The following PDLIM7 variants were observed in gnomAD, a reference collection of about 807,000 sequenced individuals.
The protein encoded by PDLIM7 is PDZ and LIM domain 7, also known as PDZ and LIM domain protein 7.
In PDLIM7, 37 loss-of-function variants were observed where a neutral mutation model predicts 53.9. The observed-to-expected ratio is 0.69, with a 90% CI of 0.53 to 0.90. The LOEUF is 0.90. Ranked by LOEUF, PDLIM7 falls within the 40% of genes least tolerant of loss-of-function variation. The pLI is 0.00. For synonymous variants in PDLIM7, 300 were observed against 261.3 expected (o/e 1.15, Z -1.43); for missense variants, 617 against 638.5 (o/e 0.97, Z 0.36).
chr5:177,487,842 GTCC>G (rs1758540504), intron 10 of PDLIM7: 1 of 405,018 alleles, frequency 2.5e-6, no homozygotes. Context: ...TCCTGGCTTG[GTCC>G]TCCTGCTCTT....
At chr5:177,490,217 C>T in intron 7 of PDLIM7, 1 of 1,447,482 alleles carries the variant, frequency 6.9e-7, no homozygotes, top group Non-Finnish European at 9.1e-7. Flanking sequence ...CAAACCAGGT[C>T]CACAAAGATA....
chr5:177,491,691 C>G (rs1758792939), intron 5 of PDLIM7, 116 bp downstream of exon 5: 2 of 679,088 alleles, frequency 2.9e-6, no homozygotes, highest in East Asian at 3.2e-5. Flanking sequence ...CCAGGGGGCG[C>G]TGCCGCACGG....
At chr5:177,490,720 A>AGGAAGGAGGAAG in intron 7 of PDLIM7, 150 bp downstream of exon 7, 1 of 166,570 alleles carries the variant, frequency 6.0e-6, no homozygotes, top group Non-Finnish European at 1.2e-5. Context: ...AAGGGAAGGA[A>AGGAAGGAGGAAG]GGAAGGAAGG....
rs76360818 is a variant in PDLIM7, at chr5:177,494,067, G to A, written c.97-1390C>T. 5.6e-3 allele frequency among the ~76,000 whole-genome samples: 856 copies of A among 152,316 alleles called. 9 individuals are homozygous for A. The highest frequency in any genetic ancestry group is 0.02 in the African/African-American group (816 of 41,554). On this transcript the variant is annotated intron_variant, in intron 2 of 12. Coordinates refer to ENST00000355841, the MANE Select transcript of PDLIM7 (RefSeq NM_005451.5). ...GAGCTCGGCGGCCCCTTCCTCACTC[G>A]CTAGATAAGAAGACTTGCTTCAGTT...
At chr5:177,496,609 A>C (rs577003319) in intron 1 of PDLIM7, 86 bp from the exon 2 acceptor site, 1 of 904,000 alleles carries the variant, frequency 1.1e-6, no homozygotes, top group South Asian at 1.9e-5. Flanking sequence ...CCAGCCTTGG[A>C]CAGGGGCCAG....
chr5:177,493,474 A>T (rs964458710), intron 2 of PDLIM7, among the ~76,000 whole-genome samples: 7 of 152,242 alleles, frequency 4.6e-5, no homozygotes, highest in Admixed American at 3.9e-4. Flanking sequence ...ACCATCAGGA[A>T]TGACTTTGAG....
At position 177,490,139 on chromosome 5, in the gene PDLIM7, T is replaced by G. The variant is rs763228102; in HGVS notation, c.573-307A>C. ...CAGGGCCCCTTTGCCAGGTACCCCC[T>G]CCCACTGAAAACGAGGACGGCAGGG... On this transcript the variant is annotated intron_variant, in intron 7 of 12. Transcript: ENST00000355841. 19 of 1,487,624 alleles carry G rather than the reference T, an allele frequency of 1.3e-5. No homozygotes were observed. In the African/African-American group the frequency reaches 2.1e-4, roughly 16 times the overall value. 92.2% of individuals were successfully genotyped at this position (1,487,624 alleles called of 1,614,324 possible).
chr5:177,496,398 T>C lies in PDLIM7; in HGVS notation c.96+19A>G. 6.5e-7 allele frequency: 1 copy of C among 1,533,264 alleles called. No homozygotes were observed. Among genetic ancestry groups the C allele is most frequent in the Non-Finnish European group, 8.8e-7 (1 of 1,140,636 alleles). The allele number at this position is 1,533,264 out of a possible 1,614,324, so 95.0% of individuals were successfully genotyped here. A position where few individuals can be genotyped will look rare whatever the true frequency, so the allele number is the denominator to read the frequency against. On this transcript the variant is annotated intron_variant, in intron 2 of 12. Transcript: ENST00000355841. The stretch of plus-strand genomic sequence containing the variant: ...CCGAAAGACCGCTGGGGGAGCCCCC[T>C]CCCCAAACCTAGGCTCACCCGGGAA...
At position 177,492,582 on chromosome 5, in the gene PDLIM7, G is replaced by T. The variant is rs755797490; in HGVS notation, c.192C>A (p.Ile64=). 7 of 1,613,708 alleles carry T rather than the reference G, an allele frequency of 4.3e-6. No individual in the cohort carries two copies. In the South Asian group the frequency reaches 6.6e-5, roughly 15 times the overall value. Reference sequence around the variant, plus strand: ...AGGCCCGGATCTTGTTCTGAGCTTCGATGTGTGTGAGGCTACCCGCATTCT... The same window carrying T: ...AGGCCCGGATCTTGTTCTGAGCTTCTATGTGTGTGAGGCTACCCGCATTCT... ...DGENAGSLTH[I]EAQNKIRACG... is the part of the protein sequence containing the mutation. The change falls in exon 3 of 13, where the codon ATC becomes ATA. Residue 64 remains isoleucine, a synonymous_variant. Transcript: ENST00000355841.
intron 10 of PDLIM7, among the ~76,000 whole-genome samples, chr5:177,486,124 G>A (rs746270739): frequency 6.6e-5 from 10 of 151,030 alleles, no homozygotes; most frequent in Non-Finnish European, 1.3e-4. Flanking sequence ...TTGCTATGGT[G>A]CCCATGCTGG....
Position 177,483,927 on chromosome 5 carries a change from A to G in PDLIM7, c.1227T>C (p.Ala409=), listed in dbSNP as rs754674795. The G allele has an allele frequency of 5.0e-6, 8 of 1,613,808 alleles. No homozygotes were observed. The highest frequency in any genetic ancestry group is 1.6e-4 in the Middle Eastern group (1 of 6,084). ...KCHGCDFKID[A]GDRFLEALGF... is the part of the protein sequence containing the mutation. Reference sequence around the variant, plus strand: ...CCAGGGCCTCCAGGAAGCGGTCCCCAGCGTCGATCTTGAAGTCACAGCCAT... The same window carrying G: ...CCAGGGCCTCCAGGAAGCGGTCCCCGGCGTCGATCTTGAAGTCACAGCCAT... The change falls in exon 12 of 13, where the codon GCT becomes GCC. Residue 409 remains alanine (A), a synonymous_variant. Coordinates refer to ENST00000355841, the MANE Select transcript of PDLIM7 (RefSeq NM_005451.5).
In PDLIM7 at chr5:177,483,668, C is replaced by T. The variant is rs368425850; in HGVS notation, c.1350G>A (p.Lys450=). 3.7e-6 allele frequency: 6 copies of T among 1,612,524 alleles called. No homozygotes were observed. The highest frequency in any genetic ancestry group is 2.2e-5 in the East Asian group (1 of 44,800). Residue 450 remains lysine (K), a synonymous_variant, in exon 13 of 13, where the codon AAG becomes AAA. Transcript: ENST00000355841. ...FYSKKDRPLC[K]SHAFSHV ...CTCACACATGAGAGAAGGCATGGCTCTTGCAGAGAGGCCTGTCCTTCTTGG... is the reference window on the plus strand; with the variant it reads ...CTCACACATGAGAGAAGGCATGGCTTTTGCAGAGAGGCCTGTCCTTCTTGG...
chr5:177,483,545 G>C lies in PDLIM7; in HGVS notation c.*99C>G. ...GCCCCAGGCTCGGGCCAGGAGCCAG[G>C]GTTAAGGCAACCATTGCCAGCCCTA... On this transcript the variant is annotated 3_prime_UTR_variant, in exon 13 of 13. Coordinates refer to ENST00000355841, the MANE Select transcript of PDLIM7 (RefSeq NM_005451.5). The C allele has an allele frequency of 1.1e-6, 1 of 891,400 alleles. No homozygotes were observed. Among genetic ancestry groups the C allele is most frequent in the Non-Finnish European group, 1.7e-6 (1 of 572,430 alleles). 55.2% of individuals were successfully genotyped at this position (891,400 alleles called of 1,614,324 possible).
chr5:177,486,085 A>ATT (rs963395551), intron 10 of PDLIM7, among the ~76,000 whole-genome samples: 13 of 145,578 alleles, frequency 8.9e-5, no homozygotes, highest in African/African-American at 3.3e-4. Context: ...TAATTTTCTA[A>ATT]TTTTTTTTTT....
chr5:177,486,530 AGACAAG>A (rs1758447572), intron 10 of PDLIM7, among the ~76,000 whole-genome samples: 1 of 152,154 alleles, frequency 6.6e-6, no homozygotes, highest in African/African-American at 2.4e-5. Context: ...TTAGAGGAGC[AGACAAG>A]GTCACAGTGA....
intron 10 of PDLIM7, among the ~76,000 whole-genome samples, chr5:177,485,651 T>C (rs991559516): frequency 5.9e-5 from 9 of 152,188 alleles, no homozygotes; most frequent in Admixed American, 2.6e-4. Flanking sequence ...TACTGGTTCA[T>C]TCAGGAATGC....
intron 2 of PDLIM7, among the ~76,000 whole-genome samples, chr5:177,495,369 G>A (rs192429834): frequency 1.7e-4 from 26 of 152,294 alleles, no homozygotes; most frequent in African/African-American, 6.3e-4. Context: ...GGCTGGGCTT[G>A]CCTTGGGCTT....
intron 8 of PDLIM7, 32 bp downstream of exon 8, chr5:177,489,739 C>A (rs762934620): frequency 1.1e-5 from 16 of 1,505,806 alleles, no homozygotes; most frequent in Non-Finnish European, 1.4e-5. Flanking sequence ...GGCTGCCCAC[C>A]CTTGCCCAGG....
intron 2 of PDLIM7, among the ~76,000 whole-genome samples, chr5:177,493,797 T>A (rs1389294829): frequency 1.4e-5 from 2 of 146,732 alleles, no homozygotes; most frequent in African/African-American, 5.0e-5. Flanking sequence ...TGTGAGGCAG[T>A]GCTGGAAGAC....
Sources: allele counts gnomAD v4.1 joint callset (sites outside exome capture counted in the v4.1 genomes callset), GRCh38; gene constraint gnomAD v4.1.1; transcripts MANE v1.5; gene names NCBI Gene and HGNC (gene_info 2026-07-23, HGNC 2026-07-21).